Variants in MACO1 observed in about 807,000 individuals in gnomAD.
The protein encoded by MACO1 is macoilin.
Under a neutral mutation model 78.7 loss-of-function variants are expected in MACO1, and 14 were observed. The ratio of observed to expected loss-of-function variants is 0.18; its 90% CI spans 0.12 to 0.28. The LOEUF (loss-of-function observed/expected upper bound fraction) is 0.28, where lower values mean the gene tolerates loss of function less well. MACO1 is among the 10% of genes least tolerant of loss of function. The probability of loss-of-function intolerance (pLI) is 1.00; values close to 1 mark genes in which losing one functional copy is unlikely to be tolerated. For missense variants in MACO1, 501 were observed against 799.0 expected, an observed-to-expected ratio of 0.63 and a Z score of 4.50; for synonymous variants, 288 against 291.6, an observed-to-expected ratio of 0.99 and a Z score of 0.12.
intron 1 of MACO1, among the ~76,000 whole-genome samples, chr1:25,438,923 TA>T (rs989898940): frequency 7.6e-5 from 11 of 145,156 alleles, no homozygotes; most frequent in Non-Finnish European, 6.1e-5. Context: ...AATAAAAAAC[TA>T]AAAAAAAAAG....
At chr1:25,488,610 C>T (rs1414953078) in intron 8 of MACO1, among the ~76,000 whole-genome samples, 1 of 151,968 alleles carries the variant, frequency 6.6e-6, no homozygotes, top group Non-Finnish European at 1.5e-5. Context: ...TCTCCTGCCT[C>T]GGCCTCCCGA....
chr1:25,455,163 A>G (rs1298709611), intron 4 of MACO1, among the ~76,000 whole-genome samples: 1 of 152,228 alleles, frequency 6.6e-6, no homozygotes, highest in Non-Finnish European at 1.5e-5. Context: ...AACTTAAAAT[A>G]ATTTAGAATT....
At chr1:25,456,202 G>A (rs186041402) in intron 4 of MACO1, among the ~76,000 whole-genome samples, 1 of 146,838 alleles carries the variant, frequency 6.8e-6, no homozygotes, top group East Asian at 2.0e-4. Context: ...AGGTTGCAGT[G>A]AGCCGAGATC....
chr1:25,454,473 T>G, intron 4 of MACO1, 91 bp downstream of exon 4: 1 of 149,034 alleles, frequency 6.7e-6, no homozygotes, highest in Non-Finnish European at 1.0e-5. Context: ...TGTGTGTGTA[T>G]ATATATATAT....
intron 1 of MACO1, among the ~76,000 whole-genome samples, chr1:25,432,020 C>CAT (rs2042878828): frequency 6.6e-6 from 1 of 152,030 alleles, no homozygotes; most frequent in Non-Finnish European, 1.5e-5. Flanking sequence ...AACTTACTAT[C>CAT]ATAGCTTCCC....
chr1:25,464,501 C>T (rs2043199010), intron 6 of MACO1, among the ~76,000 whole-genome samples: 1 of 151,590 alleles, frequency 6.6e-6, no homozygotes, highest in South Asian at 2.1e-4. Flanking sequence ...GCTGCCATCA[C>T]ACTCGGCTAA....
chr1:25,489,612 C>T (rs1049268137), intron 9 of MACO1, among the ~76,000 whole-genome samples: 1 of 152,164 alleles, frequency 6.6e-6, no homozygotes, highest in African/African-American at 2.4e-5. Context: ...GAAACTTACA[C>T]ACCTCCTTTT....
rs143055993 is a variant in MACO1, at chr1:25,470,777, C to T, written c.1154+11885C>T. 2.9e-3 allele frequency among the ~76,000 whole-genome samples: 447 copies of T among 152,236 alleles called. 3 individuals carry two copies. The highest frequency in any genetic ancestry group is 9.1e-3 in the African/African-American group (376 of 41,538). ...GGCTCAGTGGTTCACACCTGTAATC[C>T]CACACTTTGGGAGGCTGAGGCAGGT... On this transcript the variant is annotated intron_variant, in intron 6 of 10. Coordinates refer to ENST00000374343, the MANE Select transcript of MACO1 (RefSeq NM_018202.6).
Position 25,472,622 on chromosome 1 carries a change from G to T in MACO1, c.1155-11494G>T, listed in dbSNP as rs535914381. Among the ~76,000 whole-genome samples, 24 of 152,318 alleles carry T rather than the reference G, an allele frequency of 1.6e-4. No homozygotes were observed. In the East Asian group the frequency reaches 4.6e-3, roughly 29 times the overall value. ...TACAGAGAGAATGTTAAATTTGTTT[G>T]TTCTCTTCTGCTTTGAATGCATTTT... On this transcript the variant is annotated intron_variant, in intron 6 of 10. Transcript: ENST00000374343.
At chr1:25,494,905 T>C (rs2043520965) in intron 10 of MACO1, among the ~76,000 whole-genome samples, 1 of 152,152 alleles carries the variant, frequency 6.6e-6, no homozygotes, top group African/African-American at 2.4e-5. Context: ...CCCAAACCCC[T>C]GGGAGTAAGG....
intron 4 of MACO1, 48 bp downstream of exon 4, chr1:25,454,430 GTATA>G (rs759107017): frequency 3.8e-6 from 4 of 1,039,082 alleles, no homozygotes; most frequent in African/African-American, 4.3e-5. Flanking sequence ...ATGTGTGTAT[GTATA>G]TATATGTGTG....
chr1:25,450,004 G>T (rs1019496522), intron 3 of MACO1, among the ~76,000 whole-genome samples: 3 of 152,196 alleles, frequency 2.0e-5, no homozygotes, highest in Non-Finnish European at 4.4e-5. Context: ...GGGTGACAGA[G>T]CGAGACTCCA....
chr1:25,448,941 C>A lies in MACO1; in HGVS notation c.349+7C>A. The A allele has an allele frequency of 7.0e-7, 1 of 1,431,574 alleles. No homozygotes were observed. Among genetic ancestry groups the A allele is most frequent in the South Asian group, 1.8e-5 (1 of 56,160 alleles). 88.7% of individuals were successfully genotyped at this position (1,431,574 alleles called of 1,614,324 possible). ...CAGTACGTATGGCACACAGGTAAGTCTTAATGATTTCTTAGATGGATAGAA... is the reference window on the plus strand; with the variant it reads ...CAGTACGTATGGCACACAGGTAAGTATTAATGATTTCTTAGATGGATAGAA... On this transcript the variant is annotated splice_region_variant and intron_variant, in intron 3 of 10. Coordinates refer to ENST00000374343, the MANE Select transcript of MACO1 (RefSeq NM_018202.6).
intron 6 of MACO1, 68 bp from the exon 7 acceptor site, chr1:25,484,048 A>G: frequency 6.6e-7 from 1 of 1,508,644 alleles, no homozygotes; most frequent in Non-Finnish European, 8.9e-7. Flanking sequence ...CAGGACCCCC[A>G]CCAGGTCCCT....
rs999346466 is a variant in MACO1 at position 25,448,827 on chromosome 1, T to C, written c.242T>C (p.Val81Ala). 2.6e-6 allele frequency: 4 copies of C among 1,552,592 alleles called. No individual in the cohort carries two copies. The highest frequency in any genetic ancestry group is 2.6e-6 in the Non-Finnish European group (3 of 1,138,124). ...YQGLAFSVFF[V>A]CVAFTSNIIC... ...CTTTAGGCCTTCTCAGTATTTTTTGTTTGTGTAGCATTCACGTCAAATATA... is the reference window on the plus strand; with the variant it reads ...CTTTAGGCCTTCTCAGTATTTTTTGCTTGTGTAGCATTCACGTCAAATATA... Residue 81 changes from valine (V) to alanine (A), a missense_variant, in exon 3 of 11, where the codon GTT becomes GCT. By Grantham distance (64) the Val-to-Ala change is moderately conservative (BLOSUM62 0). This residue lies in a region of MACO1 where 171 missense variants were observed against 292.1 expected (regional missense o/e 0.59). Transcript: ENST00000374343.
chr1:25,469,828 G>A (rs566005191), intron 6 of MACO1, among the ~76,000 whole-genome samples: 18 of 151,794 alleles, frequency 1.2e-4, no homozygotes, highest in African/African-American at 3.1e-4. Flanking sequence ...GGGTTTCACC[G>A]TATTGGCCAG....
chr1:25,459,085 C>G (rs1321009832), intron 6 of MACO1, among the ~76,000 whole-genome samples, 193 bp downstream of exon 6: 2 of 152,188 alleles, frequency 1.3e-5, no homozygotes, highest in East Asian at 1.9e-4. Flanking sequence ...TTGCAGTGTT[C>G]TGAATAATGA....
At chr1:25,445,320 C>T (rs912862532) in intron 1 of MACO1, among the ~76,000 whole-genome samples, 11 of 151,212 alleles carry the variant, frequency 7.3e-5, no homozygotes, top group Non-Finnish European at 1.3e-4. Flanking sequence ...AAAAAGATTG[C>T]GTTCTTTTGT....
intron 6 of MACO1, among the ~76,000 whole-genome samples, chr1:25,483,854 T>C (rs1035531149): frequency 9.2e-5 from 14 of 152,160 alleles, no homozygotes; most frequent in African/African-American, 3.4e-4. Context: ...GGATGGATAT[T>C]CACAAGCACC....
Sources: gnomAD v4.1 joint callset for allele counts (sites outside exome capture counted in the v4.1 genomes callset) on GRCh38, gnomAD v4.1.1 for gene constraint, gnomAD v4.1.1 regional missense constraint, MANE v1.5 for transcripts, NCBI Gene and HGNC (gene_info 2026-07-23, HGNC 2026-07-21) for gene names.